ZNF500: variants seen among roughly 807,000 people sequenced by gnomAD.
ZNF500 encodes zinc finger protein 500, also known as zinc finger protein with KRAB and SCAN domains 18.
In ZNF500, 31 loss-of-function variants were observed where a neutral mutation model predicts 30.1. That is an observed-to-expected ratio of 1.03 (90% CI 0.77 to 1.39). The LOEUF (loss-of-function observed/expected upper bound fraction) is 1.39. Among genes scored for constraint, ZNF500 ranks in the 40% most tolerant of loss-of-function variants. The pLI, the probability that ZNF500 is intolerant of heterozygous loss-of-function variation, is 0.00. For missense variants in ZNF500, 817 were observed against 657.8 expected, an observed-to-expected ratio of 1.24 and a Z score of -2.65; for synonymous variants, 392 against 282.0, an observed-to-expected ratio of 1.39 and a Z score of -3.91.
rs776375509 is a variant in ZNF500, at chr16:4,762,324, G to T, written c.610C>A (p.Pro204Thr). 4 of 1,608,356 alleles carry T rather than the reference G, an allele frequency of 2.5e-6. No individual in the cohort carries two copies. The African/African-American group carries it at 5.3e-5, about 22-fold the overall frequency. ...LLWPERGPPA[P>T]RHQEMASASP... Reference sequence around the variant, plus strand: ...GCTGACGCCATCTCCTGATGCCGGGGAGCTGGAGGGCCTGGGAAGGAGCAG... The same window carrying T: ...GCTGACGCCATCTCCTGATGCCGGGTAGCTGGAGGGCCTGGGAAGGAGCAG... Residue 204 changes from proline to threonine, a missense_variant, in exon 4 of 6, where the codon CCC becomes ACC. Transcript: ENST00000219478.
rs976846343 is a variant in ZNF500 at position 4,750,731 on chromosome 16, A to G, written c.*1645T>C. On this transcript the variant is annotated 3_prime_UTR_variant, in exon 6 of 6. Coordinates refer to ENST00000219478, the MANE Select transcript of ZNF500 (RefSeq NM_021646.4). ...ATGGTCTCGATCTCCTGACCTTGTGATCCACCTGCCTCGGCCTCCCAAAGT... is the reference window on the plus strand; with the variant it reads ...ATGGTCTCGATCTCCTGACCTTGTGGTCCACCTGCCTCGGCCTCCCAAAGT... 13 of 146,974 alleles carry G rather than the reference A, an allele frequency of 8.8e-5. No homozygotes were observed. Among genetic ancestry groups the G allele is most frequent in the African/African-American group, 3.0e-4 (12 of 39,752 alleles). The allele number at this position is 146,974 out of a possible 1,614,324, so 9.1% of individuals were successfully genotyped here.
chr16:4,753,303 A>C, intron 5 of ZNF500: 1 of 650,874 alleles, frequency 1.5e-6, no homozygotes, highest in Non-Finnish European at 2.3e-6. Context: ...TCTACAGAAA[A>C]TAAACAAAAC....
chr16:4,761,945 G>A (rs147439035), intron 4 of ZNF500, among the ~76,000 whole-genome samples: 1 of 152,208 alleles, frequency 6.6e-6, no homozygotes, highest in Admixed American at 6.5e-5. Flanking sequence ...CCAGCGGTGT[G>A]GGAGGAAGCT....
downstream of ZNF500, chr16:4,747,566 G>T (rs772634343): frequency 1.9e-6 from 3 of 1,611,834 alleles, no homozygotes; most frequent in Non-Finnish European, 2.5e-6. Flanking sequence ...AGCCCTGGGG[G>T]ATGTTCCTGA....
downstream of ZNF500, chr16:4,747,653 T>C (rs768279112): frequency 6.3e-7 from 1 of 1,581,688 alleles, no homozygotes; most frequent in South Asian, 1.1e-5. Context: ...ATCCCAGGAG[T>C]GGGCAGGGGC....
chr16:4,763,530 G>C (rs932218956), intron 2 of ZNF500: 16 of 985,082 alleles, frequency 1.6e-5, no homozygotes, highest in Middle Eastern at 1.0e-3. Flanking sequence ...AATAGCACTT[G>C]GACAAGAGAC....
At position 4,765,725 on chromosome 16, in the gene ZNF500, G is replaced by C. The variant is rs150438524; in HGVS notation, c.254C>G (p.Thr85Ser). The change falls in exon 2 of 6, where the codon ACC (threonine) becomes AGC (serine). Residue 85 changes from threonine to serine, a missense_variant. Coordinates refer to ENST00000219478, the MANE Select transcript of ZNF500 (RefSeq NM_021646.4). ...CCRWLRPELR[T>S]KEQILELLVL... ...CAGCAGCTCCAGGATCTGCTCCTTG[G>C]TGCGCAGCTCCGGCCGCAGCCAGCG... 4.6e-5 allele frequency: 74 copies of C among 1,613,332 alleles called. No individual in the cohort carries two copies. In the African/African-American group the frequency reaches 8.7e-4, roughly 19 times the overall value.
intron 5 of ZNF500, among the ~76,000 whole-genome samples, chr16:4,756,040 T>A (rs1596497897): frequency 6.6e-6 from 1 of 152,082 alleles, no homozygotes; most frequent in East Asian, 1.9e-4. Context: ...TGCCAGAGGC[T>A]AGGGGAGGGG....
chr16:4,764,467 C>G (rs2082240545), intron 2 of ZNF500, among the ~76,000 whole-genome samples: 2 of 151,394 alleles, frequency 1.3e-5, no homozygotes, highest in African/African-American at 4.9e-5. Flanking sequence ...CAGAGAGAGA[C>G]TCTGTCTCAC....
intron 2 of ZNF500, chr16:4,763,908 C>T (rs2082234774): frequency 2.0e-6 from 2 of 985,356 alleles, no homozygotes; most frequent in Non-Finnish European, 2.4e-6. Context: ...GCCAGCAGCA[C>T]TGCCACAGGA....
rs1230080834 is a variant in ZNF500, at chr16:4,749,736, C to G, written c.*2640G>C. 6.6e-6 allele frequency: 1 copy of G among 152,352 alleles called. No homozygotes were observed. Among genetic ancestry groups the G allele is most frequent in the African/African-American group, 2.4e-5 (1 of 41,430 alleles). The allele number at this position is 152,352 out of a possible 1,614,324, so 9.4% of individuals were successfully genotyped here. ...GCTGAGGCAGGAGAATCACTTGAAC[C>G]TGGGAGGTGGAGGTTGTGGTGAGCC... On this transcript the variant is annotated 3_prime_UTR_variant, in exon 6 of 6. Transcript: ENST00000219478.
rs2082075812 is a variant in ZNF500 at position 4,751,378 on chromosome 16, C to T, written c.*998G>A. 57 of 564,806 alleles carry T rather than the reference C, an allele frequency of 1.0e-4. No individual in the cohort carries two copies. The South Asian group carries it at 1.2e-3, about 12-fold the overall frequency. 35.0% of individuals were successfully genotyped at this position (564,806 alleles called of 1,614,324 possible). A position where few individuals can be genotyped will look rare whatever the true frequency, so the allele number is the denominator to read the frequency against. On this transcript the variant is annotated 3_prime_UTR_variant, in exon 6 of 6. Coordinates refer to ENST00000219478, the MANE Select transcript of ZNF500 (RefSeq NM_021646.4). ...GCCAGGAGCAAACGCAGCCCTGGGCCCCGGCCCTGGGGAGATGTCAGGCCC... is the reference window on the plus strand; with the variant it reads ...GCCAGGAGCAAACGCAGCCCTGGGCTCCGGCCCTGGGGAGATGTCAGGCCC...
Position 4,750,583 on chromosome 16 carries a change from G to C in ZNF500, c.*1793C>G, listed in dbSNP as rs2082067576. Reference sequence around the variant, plus strand: ...GGCTCACTGCAACCTCCGCCTCCCTGGTTCAAGTGATTCTCTTGCCTCAGC... The same window carrying C: ...GGCTCACTGCAACCTCCGCCTCCCTCGTTCAAGTGATTCTCTTGCCTCAGC... On this transcript the variant is annotated 3_prime_UTR_variant, in exon 6 of 6. Transcript: ENST00000219478. 6.6e-6 allele frequency: 1 copy of C among 151,734 alleles called. No individual in the cohort carries two copies. Among genetic ancestry groups the C allele is most frequent in the Non-Finnish European group, 1.5e-5 (1 of 68,032 alleles). The allele number at this position is 151,734 out of a possible 1,614,324, so 9.4% of individuals were successfully genotyped here.
In ZNF500 at chr16:4,766,100, C is replaced by T. The variant is rs756566150; in HGVS notation, c.-98-24G>A. ...CCCTGTGGAGAGACGATAAAACCAT[C>T]TGAAGGGCAGCCCTGGGGCTGGATA... On this transcript the variant is annotated intron_variant, in intron 1 of 5. Transcript: ENST00000219478. 7.2e-6 allele frequency: 9 copies of T among 1,254,528 alleles called. No individual in the cohort carries two copies. The East Asian group carries it at 2.1e-4, about 29-fold the overall frequency. 77.7% of individuals were successfully genotyped at this position (1,254,528 alleles called of 1,614,324 possible).
chr16:4,764,788 A>C (rs1031409357), intron 2 of ZNF500, among the ~76,000 whole-genome samples: 23 of 113,462 alleles, frequency 2.0e-4, no homozygotes, highest in African/African-American at 6.4e-4. Flanking sequence ...TCTCAAAAAA[A>C]AAGAAAAAAA....
At position 4,765,722 on chromosome 16, in the gene ZNF500, T is replaced by C. The variant is rs2082257659; in HGVS notation, c.257A>G (p.Lys86Arg). 3.7e-6 allele frequency: 6 copies of C among 1,613,334 alleles called. No individual in the cohort carries two copies. The highest frequency in any genetic ancestry group is 3.4e-6 in the Non-Finnish European group (4 of 1,179,964). ...CRWLRPELRT[K>R]EQILELLVLE... ...CACCAGCAGCTCCAGGATCTGCTCCTTGGTGCGCAGCTCCGGCCGCAGCCA... is the reference window on the plus strand; with the variant it reads ...CACCAGCAGCTCCAGGATCTGCTCCCTGGTGCGCAGCTCCGGCCGCAGCCA... Residue 86 changes from lysine to arginine, a missense_variant, in exon 2 of 6, where the codon AAG becomes AGG. Physicochemically the swap from Lys to Arg is conservative, Grantham distance 26. Transcript: ENST00000219478.
In ZNF500 at chr16:4,752,883, T is replaced by TG. The variant is rs1567520371; in HGVS notation, c.935dup (p.Pro313ThrfsTer10). 4 of 1,613,746 alleles carry TG rather than the reference T, an allele frequency of 2.5e-6. No individual in the cohort carries two copies. The highest frequency in any genetic ancestry group is 2.2e-5 in the South Asian group (2 of 91,086). ...CCCCATGGGAAGCCCGTCTTCCTGGTGGGGGGCCGCCTCTTGGCTGATCAG... is the reference window on the plus strand; with the variant it reads ...CCCCATGGGAAGCCCGTCTTCCTGGTGGGGGGGCCGCCTCTTGGCTGATCAG... On this transcript the variant is annotated frameshift_variant, in exon 6 of 6. Transcript: ENST00000219478. LOFTEE classifies it low-confidence loss of function (END_TRUNC).
At chr16:4,763,960 G>T (rs1392569490) in intron 2 of ZNF500, 1 of 985,430 alleles carries the variant, frequency 1.0e-6, no homozygotes, top group Non-Finnish European at 1.2e-6. Flanking sequence ...CCCCATCCAC[G>T]CAAGGCCCTG....
chr16:4,746,673 C>A (rs571361276), downstream of ZNF500: 4 of 1,069,680 alleles, frequency 3.7e-6, no homozygotes, highest in East Asian at 1.1e-4. Context: ...CCCCTGGGTC[C>A]CTGCAGGGAG....
Sources: allele counts gnomAD v4.1 joint callset (sites outside exome capture counted in the v4.1 genomes callset), GRCh38; gene constraint gnomAD v4.1.1; transcripts MANE v1.5; gene names NCBI Gene and HGNC (gene_info 2026-07-23, HGNC 2026-07-21).